The following KCNT2 variants were observed in gnomAD, a reference collection of about 807,000 sequenced individuals.
The protein encoded by KCNT2 is potassium sodium-activated channel subfamily T member 2, also known as potassium channel subfamily T member 2.
A neutral mutation model predicts 153.8 loss-of-function variants in KCNT2; 67 were observed. That is an observed-to-expected ratio of 0.44 (90% CI 0.36 to 0.53). KCNT2 has a LOEUF of 0.53. Among genes scored for constraint, KCNT2 ranks in the 20% least tolerant of loss-of-function variants. The pLI is 0.00. For missense variants in KCNT2, 975 were observed against 1,354.8 expected (o/e 0.72, Z 4.40); for synonymous variants, 500 against 458.8 (o/e 1.09, Z -1.15).
chr1:196,479,335 G>T, intron 4 of KCNT2, 97 bp from the exon 5 acceptor site: 2 of 694,464 alleles, frequency 2.9e-6, no homozygotes, highest in East Asian at 5.5e-5. Flanking sequence ...ATATGTGCAT[G>T]TATACATATA....
chr1:196,446,321 T>C (rs994455572), intron 8 of KCNT2, among the ~76,000 whole-genome samples: 1 of 151,502 alleles, frequency 6.6e-6, no homozygotes, highest in African/African-American at 2.4e-5. Context: ...CATTTAACGG[T>C]CATTATTCTA....
chr1:196,463,075 G>A (rs1171034605), intron 8 of KCNT2, among the ~76,000 whole-genome samples: 1 of 151,704 alleles, frequency 6.6e-6, no homozygotes, highest in Non-Finnish European at 1.5e-5. Flanking sequence ...TTGAAAAATG[G>A]AAGGAACAAG....
chr1:196,554,594 G>T (rs947659785), intron 1 of KCNT2, among the ~76,000 whole-genome samples: 3 of 150,886 alleles, frequency 2.0e-5, no homozygotes, highest in Non-Finnish European at 4.5e-5. Flanking sequence ...TACTCAAACT[G>T]CCCTGAAAAG....
intron 13 of KCNT2, among the ~76,000 whole-genome samples, chr1:196,382,898 T>C (rs1262406918): frequency 1.3e-5 from 2 of 152,078 alleles, no homozygotes; most frequent in East Asian, 3.9e-4. Context: ...CCACTGAGTA[T>C]TATTGTTTTT....
intron 14 of KCNT2, among the ~76,000 whole-genome samples, chr1:196,367,218 G>A (rs552221091): frequency 2.0e-5 from 3 of 152,046 alleles, no homozygotes; most frequent in South Asian, 2.1e-4. Flanking sequence ...TAAAATTCAG[G>A]TAAAGAACTA....
chr1:196,304,777 A>G (rs1363958211), intron 22 of KCNT2, among the ~76,000 whole-genome samples: 1 of 152,154 alleles, frequency 6.6e-6, no homozygotes, highest in East Asian at 1.9e-4. Flanking sequence ...TCATTAAATT[A>G]AATTCCAGTT....
At chr1:196,288,906 A>G (rs1169718122) in intron 22 of KCNT2, among the ~76,000 whole-genome samples, 1 of 152,074 alleles carries the variant, frequency 6.6e-6, no homozygotes, top group Non-Finnish European at 1.5e-5. Flanking sequence ...ACCACATACA[A>G]TAGTTTCAGT....
At position 196,340,368 on chromosome 1, in the gene KCNT2, G is replaced by T. The variant is rs746314081; in HGVS notation, c.1756C>A (p.Pro586Thr). ...RSFYHGPSRL[P>T]VHSIIASMGT... ...ATGCTGGCAATTATGCTATGTACAG[G>T]TAATCTGGAAGGTCCATGATAAAAC... Residue 586 changes from proline to threonine, a missense_variant, in exon 16 of 28, where the codon CCT becomes ACT. Transcript: ENST00000294725. 1 of 1,609,426 alleles carries T rather than the reference G, an allele frequency of 6.2e-7. No individual in the cohort carries two copies. The highest frequency in any genetic ancestry group is 1.1e-5 in the South Asian group (1 of 90,514).
At chr1:196,299,315 A>C (rs763699042) in intron 22 of KCNT2, among the ~76,000 whole-genome samples, 12 of 152,112 alleles carry the variant, frequency 7.9e-5, no homozygotes, top group Non-Finnish European at 1.5e-4. Context: ...TATCGCTGAC[A>C]AAACTGTAGT....
chr1:196,283,539 G>A (rs1411942884), intron 23 of KCNT2, among the ~76,000 whole-genome samples: 2 of 152,068 alleles, frequency 1.3e-5, no homozygotes, highest in East Asian at 1.9e-4. Context: ...TTATATTATT[G>A]GAAAGGTTGA....
chr1:196,288,971 G>C (rs1412163642), intron 22 of KCNT2, among the ~76,000 whole-genome samples: 1 of 152,070 alleles, frequency 6.6e-6, no homozygotes, highest in African/African-American at 2.4e-5. Context: ...TAAGCTCTCT[G>C]TTCCTCAGTT....
intron 8 of KCNT2, among the ~76,000 whole-genome samples, chr1:196,430,372 A>G (rs1674034391): frequency 7.2e-6 from 1 of 138,690 alleles, no homozygotes; most frequent in African/African-American, 2.6e-5. Context: ...CTCCCTCACA[A>G]GATCGATCTC....
intron 2 of KCNT2, 38 bp downstream of exon 2, chr1:196,492,224 A>G: frequency 7.3e-7 from 1 of 1,371,194 alleles, no homozygotes; most frequent in Non-Finnish European, 9.6e-7. Context: ...TGAAGTAAAT[A>G]TATGTACGAA....
chr1:196,416,781 A>C (rs1353695282), intron 12 of KCNT2, among the ~76,000 whole-genome samples: 1 of 152,056 alleles, frequency 6.6e-6, no homozygotes, highest in Non-Finnish European at 1.5e-5. Context: ...CACATAATCC[A>C]ATTATACTCT....
intron 22 of KCNT2, among the ~76,000 whole-genome samples, chr1:196,291,752 A>G (rs940764987): frequency 6.6e-6 from 1 of 152,198 alleles, no homozygotes. Flanking sequence ...TTAACATTTA[A>G]TATAAAAATC....
At chr1:196,545,374 G>C (rs189114012) in intron 1 of KCNT2, among the ~76,000 whole-genome samples, 2 of 152,160 alleles carry the variant, frequency 1.3e-5, no homozygotes, top group East Asian at 1.9e-4. Context: ...CACCAGTGTA[G>C]AGAAAAAGAG....
rs929734639 is a variant in KCNT2, at chr1:196,226,064, A to T, written c.*2160T>A. Reference sequence around the variant, plus strand: ...TGTGTCAAATATTAAATTTGGACTAATGTTCATAGTCAAAAATAATTATTT... The same window carrying T: ...TGTGTCAAATATTAAATTTGGACTATTGTTCATAGTCAAAAATAATTATTT... On this transcript the variant is annotated 3_prime_UTR_variant, in exon 28 of 28. Transcript: ENST00000294725. The T allele has an allele frequency of 1.3e-4, 20 of 152,136 alleles. No homozygotes were observed. The highest frequency in any genetic ancestry group is 4.6e-4 in the African/African-American group (19 of 41,566). The allele number at this position is 152,136 out of a possible 1,614,324, so 9.4% of individuals were successfully genotyped here.
intron 16 of KCNT2, 27 bp from the exon 17 acceptor site, chr1:196,334,087 T>C (rs1376185001): frequency 6.6e-7 from 1 of 1,522,578 alleles, no homozygotes; most frequent in South Asian, 1.1e-5. Context: ...TGAAAATTTA[T>C]CAAGGCGTTT....
At chr1:196,578,587 G>A (rs569794243) in intron 1 of KCNT2, among the ~76,000 whole-genome samples, 1 of 152,070 alleles carries the variant, frequency 6.6e-6, no homozygotes. Flanking sequence ...CTACTGCAGG[G>A]GCTATGTTAA....
Sources: allele counts gnomAD v4.1 joint callset (sites outside exome capture counted in the v4.1 genomes callset), GRCh38; gene constraint gnomAD v4.1.1; transcripts MANE v1.5; gene names NCBI Gene and HGNC (gene_info 2026-07-23, HGNC 2026-07-21).